Variants in ZNF385D observed in about 807,000 individuals in gnomAD.
ZNF385D encodes zinc finger protein 385D.
In ZNF385D, 15 loss-of-function variants were observed where a neutral mutation model predicts 35.8. The observed-to-expected ratio is 0.42, with a 90% CI of 0.28 to 0.64. The LOEUF (loss-of-function observed/expected upper bound fraction) is 0.64, where lower values mean the gene tolerates loss of function less well. ZNF385D is among the 30% of genes least tolerant of loss of function. The pLI, the probability that ZNF385D is intolerant of heterozygous loss-of-function variation, is 0.23. For synonymous variants in ZNF385D, 212 were observed against 186.8 expected, an observed-to-expected ratio of 1.13 and a Z score of -1.10; for missense variants, 474 against 494.6, an observed-to-expected ratio of 0.96 and a Z score of 0.39.
chr3:21,954,857 T>C (rs1702215970), intron 3 of ZNF385D, among the ~76,000 whole-genome samples: 1 of 151,960 alleles, frequency 6.6e-6, no homozygotes, highest in Admixed American at 6.6e-5. Context: ...CCACTGAAAG[T>C]GAAGCTTTAC....
intron 3 of ZNF385D, among the ~76,000 whole-genome samples, chr3:21,900,498 G>C (rs1008206006): frequency 6.6e-6 from 1 of 152,016 alleles, no homozygotes; most frequent in Non-Finnish European, 1.5e-5. Flanking sequence ...TTAGAAAAAT[G>C]TCAATTTAAA....
At chr3:21,439,016 C>A (rs950627884) in intron 4 of ZNF385D, among the ~76,000 whole-genome samples, 6 of 151,866 alleles carry the variant, frequency 4.0e-5, no homozygotes, top group African/African-American at 1.5e-4. Flanking sequence ...CCCCTATATA[C>A]CAGAAATGAT....
intron 2 of ZNF385D, among the ~76,000 whole-genome samples, chr3:22,207,387 C>T (rs1388723483): frequency 6.6e-6 from 1 of 151,868 alleles, no homozygotes; most frequent in Non-Finnish European, 1.5e-5. Flanking sequence ...ACTGGACACG[C>T]ATATGCAGAA....
rs992997972 is a variant in ZNF385D, at chr3:22,156,383, A to G, written c.325+12434T>C. On this transcript the variant is annotated intron_variant, in intron 3 of 5. Coordinates refer to the ZNF385D transcript ENST00000494108. ...ACCAGATGCAAACTGTGGTGTACAC[A>G]GCCCCCCTGCCCCTGCACAGATGGA... is the stretch of plus-strand genomic sequence containing the variant. Among the ~76,000 whole-genome samples, 13 of 151,564 alleles carry G rather than the reference A, an allele frequency of 8.6e-5. 2 individuals carry two copies. Among genetic ancestry groups the G allele is most frequent in the East Asian group, 5.8e-4 (3 of 5,156 alleles).
Position 21,514,633 on chromosome 3 carries a change from A to G in ZNF385D, c.277-3610T>C, listed in dbSNP as rs188199725. Among the ~76,000 whole-genome samples, 34 of 152,022 alleles carry G rather than the reference A, an allele frequency of 2.2e-4. No individual in the cohort carries two copies. In the East Asian group the frequency reaches 4.7e-3, roughly 21 times the overall value. ...CAAACCAAATTCAAATAGGACAAAC[A>G]GGGAGCTTTAACCAATCAGGCTATC... On this transcript the variant is annotated intron_variant, in intron 3 of 7. Transcript: ENST00000281523.
chr3:22,182,804 GGTA>G (rs1236626115), intron 2 of ZNF385D, among the ~76,000 whole-genome samples: 1 of 151,734 alleles, frequency 6.6e-6, no homozygotes, highest in South Asian at 2.1e-4. Flanking sequence ...TGTACTGCAG[GGTA>G]GTAAATTTAA....
rs1169514864 is a variant in ZNF385D, at chr3:21,670,647, GGCGCCCCC to G, written c.23-5627_23-5620del. On this transcript the variant is annotated intron_variant, in intron 1 of 7. Coordinates refer to ENST00000281523, the MANE Select transcript of ZNF385D (RefSeq NM_024697.3). ...CTGAGAAATAAAAATGAAATCCTAA[GGCGCCCCC>G]CCCCCCCCCCCCCCCCCCAATGACT... Among the ~76,000 whole-genome samples, 3 of 15,758 alleles carry G rather than the reference GGCGCCCCC, an allele frequency of 1.9e-4. 1 individual carries two copies. Among genetic ancestry groups the G allele is most frequent in the African/African-American group, 4.9e-4 (2 of 4,072 alleles). 10.3% of individuals were successfully genotyped at this position (15,758 alleles called of 152,430 possible).
intron 3 of ZNF385D, among the ~76,000 whole-genome samples, chr3:21,812,457 C>A (rs766728053): frequency 1.3e-5 from 2 of 152,222 alleles, no homozygotes; most frequent in South Asian, 2.1e-4. Context: ...CAAGGGAAGC[C>A]GTGATAGACG....
intron 3 of ZNF385D, among the ~76,000 whole-genome samples, chr3:21,881,887 T>C (rs759650063): frequency 7.2e-5 from 11 of 152,014 alleles, no homozygotes; most frequent in Non-Finnish European, 1.2e-4. Flanking sequence ...GCAGAGGAAG[T>C]AACTGCATAT....
chr3:21,989,326 C>T (rs1695016168), intron 3 of ZNF385D, among the ~76,000 whole-genome samples: 2 of 152,110 alleles, frequency 1.3e-5, no homozygotes, highest in Non-Finnish European at 2.9e-5. Flanking sequence ...GGACTTTGGT[C>T]TCCTAGGATG....
chr3:21,715,927 C>G (rs1189246217), intron 1 of ZNF385D, among the ~76,000 whole-genome samples: 1 of 152,146 alleles, frequency 6.6e-6, no homozygotes, highest in Admixed American at 6.5e-5. Context: ...CAAAACCAAA[C>G]TCCAGCTATT....
intron 2 of ZNF385D, among the ~76,000 whole-genome samples, chr3:22,258,824 T>C (rs573293904): frequency 1.3e-5 from 2 of 151,876 alleles, no homozygotes; most frequent in Admixed American, 1.3e-4. Flanking sequence ...AAATAAAAAA[T>C]AGAAAAATAG....
chr3:22,260,624 C>A (rs933144927), intron 2 of ZNF385D, among the ~76,000 whole-genome samples: 3 of 151,920 alleles, frequency 2.0e-5, no homozygotes, highest in Non-Finnish European at 2.9e-5. Context: ...AGAATTTCTA[C>A]TTAATACTGT....
intron 3 of ZNF385D, among the ~76,000 whole-genome samples, chr3:21,966,907 C>T (rs751000202): frequency 5.9e-5 from 9 of 152,142 alleles, no homozygotes; most frequent in Non-Finnish European, 8.8e-5. Flanking sequence ...CCTGGCCTAG[C>T]AGATTTACTT....
At chr3:21,482,337 A>G (rs1704687792) in intron 4 of ZNF385D, among the ~76,000 whole-genome samples, 1 of 152,148 alleles carries the variant, frequency 6.6e-6, no homozygotes, top group Admixed American at 6.6e-5. Flanking sequence ...GGCCATGACC[A>G]CTCATTTATG....
intron 2 of ZNF385D, among the ~76,000 whole-genome samples, chr3:22,253,078 G>A (rs1700142902): frequency 6.6e-6 from 1 of 152,076 alleles, no homozygotes; most frequent in African/African-American, 2.4e-5. Flanking sequence ...GATGACAAAG[G>A]AGAAGGTGTT....
At chr3:21,659,664 C>A (rs2066177007) in intron 2 of ZNF385D, among the ~76,000 whole-genome samples, 1 of 152,082 alleles carries the variant, frequency 6.6e-6, no homozygotes, top group Non-Finnish European at 1.5e-5. Context: ...CACCCCACCA[C>A]ACAAACACCG....
intron 1 of ZNF385D, among the ~76,000 whole-genome samples, chr3:21,731,761 A>C (rs1575551786): frequency 6.6e-6 from 1 of 152,302 alleles, no homozygotes; most frequent in Middle Eastern, 3.4e-3. Context: ...ACACAGTTCA[A>C]ACTCATGTCA....
At chr3:22,010,493 T>C (rs952812163) in intron 3 of ZNF385D, among the ~76,000 whole-genome samples, 5 of 152,230 alleles carry the variant, frequency 3.3e-5, no homozygotes, top group African/African-American at 9.6e-5. Flanking sequence ...GAGACACCTA[T>C]TGAGTTTCCT....
Sources: gnomAD v4.1 joint callset for allele counts (sites outside exome capture counted in the v4.1 genomes callset) on GRCh38, gnomAD v4.1.1 for gene constraint, MANE v1.5 for transcripts, NCBI Gene and HGNC (gene_info 2026-07-23, HGNC 2026-07-21) for gene names.